PLEKHG5: variants seen among roughly 807,000 people sequenced by gnomAD.
PLEKHG5 encodes the protein pleckstrin homology domain-containing family G member 5.
In PLEKHG5, 52 loss-of-function variants were observed where a neutral mutation model predicts 103.8. That is an observed-to-expected ratio of 0.50 (90% CI 0.40 to 0.63). The LOEUF (loss-of-function observed/expected upper bound fraction) is 0.63. PLEKHG5 is among the 30% of genes least tolerant of loss of function. The pLI, the probability that PLEKHG5 is intolerant of heterozygous loss-of-function variation, is 0.00. For missense variants in PLEKHG5, 1,205 were observed against 1,347.6 expected, an observed-to-expected ratio of 0.89 and a Z score of 1.66; for synonymous variants, 592 against 575.5, an observed-to-expected ratio of 1.03 and a Z score of -0.41.
chr1:6,477,093 C>A (rs1644782861), intron 2 of PLEKHG5, among the ~76,000 whole-genome samples: 2 of 152,174 alleles, frequency 1.3e-5, no homozygotes, highest in African/African-American at 4.8e-5. Context: ...TGGGTCCCTG[C>A]TCAGCAAGAG....
At chr1:6,496,454 TC>T (rs757371108), upstream of PLEKHG5, 5 of 1,482,330 alleles carry the variant, frequency 3.4e-6, no homozygotes, top group East Asian at 1.2e-4. Context: ...CCCTGGCCCC[TC>T]TGCCCCCGAG....
chr1:6,504,726 C>T (rs1285452571), intron 1 of PLEKHG5, among the ~76,000 whole-genome samples: 1 of 152,104 alleles, frequency 6.6e-6, no homozygotes, highest in Non-Finnish European at 1.5e-5. Flanking sequence ...CCCGCCACCA[C>T]GCCCAGCTAA....
Position 6,505,248 on chromosome 1 carries a change from T to C in PLEKHG5, c.-164-8679A>G, listed in dbSNP as rs1638279122. On this transcript the variant is annotated intron_variant, in intron 1 of 21. Coordinates refer to the PLEKHG5 transcript ENST00000377740. The surrounding 1 kb of genome is among the most constrained non-coding windows in gnomAD (Gnocchi z 4.2). ...CTAGGTCCCCAGCCCACAGTGCCGG[T>C]CAGCCCACTGTGCCGACCAGCCTAC... is the stretch of plus-strand genomic sequence containing the variant. Among the ~76,000 whole-genome samples, 1 of 151,930 alleles carries C rather than the reference T, an allele frequency of 6.6e-6. No homozygotes were observed. Among genetic ancestry groups the C allele is most frequent in the African/African-American group, 2.4e-5 (1 of 41,348 alleles).
intron 1 of PLEKHG5, among the ~76,000 whole-genome samples, chr1:6,507,631 G>T (rs1415591724): frequency 6.6e-6 from 1 of 152,192 alleles, no homozygotes; most frequent in Admixed American, 6.5e-5. Context: ...GGGGCGGGGG[G>T]ATGGAGGGGT....
chr1:6,509,460 C>T (rs888989751), intron 1 of PLEKHG5, among the ~76,000 whole-genome samples: 3 of 152,360 alleles, frequency 2.0e-5, no homozygotes, highest in East Asian at 1.9e-4. Context: ...GGTCCACCCC[C>T]GCAAGGTCTC....
At chr1:6,483,869 C>A (rs761875706) in intron 1 of PLEKHG5, among the ~76,000 whole-genome samples, 1 of 152,230 alleles carries the variant, frequency 6.6e-6, no homozygotes, top group Non-Finnish European at 1.5e-5. Flanking sequence ...GGGAGCCCCC[C>A]GTCTGCGGGC....
At chr1:6,513,515 C>T (rs1210764788) in intron 1 of PLEKHG5, among the ~76,000 whole-genome samples, 1 of 152,228 alleles carries the variant, frequency 6.6e-6, no homozygotes, top group Non-Finnish European at 1.5e-5. Context: ...AAGGCTGTTC[C>T]TCGGGGCTGT....
At position 6,467,952 on chromosome 1, in the gene PLEKHG5, A is replaced by G; in HGVS notation, c.2884T>C (p.Ser962Pro). 6.4e-7 allele frequency: 1 copy of G among 1,571,840 alleles called. No homozygotes were observed. ...SHRKRCGDLP[S>P]GASPRVQPEP... ...GGCTGGACCCTGGGAGAGGCCCCCG[A>G]GGGCAGGTCTCCACACCTCTTCCTG... The change falls in exon 20 of 21, where the codon TCG (serine) becomes CCG (proline). Residue 962 changes from serine (S) to proline (P), a missense_variant. Physicochemically the swap from Ser to Pro is moderately conservative, Grantham distance 74. Transcript: ENST00000377728.
chr1:6,473,871 C>G (rs111510512), intron 7 of PLEKHG5, 142 bp downstream of exon 7: 34 of 848,482 alleles, frequency 4.0e-5, no homozygotes, highest in African/African-American at 3.2e-4. Context: ...ACTCTCCCAG[C>G]CAACCCCATT....
At chr1:6,485,430 G>A in intron 1 of PLEKHG5, 1 of 1,291,128 alleles carries the variant, frequency 7.7e-7, no homozygotes, top group Non-Finnish European at 9.8e-7. Flanking sequence ...GGAGACACCG[G>A]GTCCTGTCCC....
intron 1 of PLEKHG5, among the ~76,000 whole-genome samples, chr1:6,508,993 T>C (rs889618047): frequency 6.6e-6 from 1 of 152,072 alleles, no homozygotes; most frequent in African/African-American, 2.4e-5. Flanking sequence ...CTGTAGCGCC[T>C]CTCGAAGTCA....
chr1:6,474,855 C>A, intron 5 of PLEKHG5, 192 bp downstream of exon 5: 1 of 691,478 alleles, frequency 1.4e-6, no homozygotes, highest in Non-Finnish European at 2.6e-6. Flanking sequence ...TTAAAATGCA[C>A]AAGTACACAG....
rs1220408894 is a variant in PLEKHG5, at chr1:6,475,465, C to T, written c.207G>A (p.Thr69=). 2.9e-5 allele frequency: 47 copies of T among 1,613,200 alleles called. No homozygotes were observed. The highest frequency in any genetic ancestry group is 1.6e-4 in the Middle Eastern group (1 of 6,076). Residue 69 remains threonine, a synonymous_variant, in exon 4 of 21, where the codon ACG becomes ACA. Transcript: ENST00000377728. ...LSKKKARRRH[T]DDPSKECFTL... is the part of the protein sequence containing the mutation. The stretch of plus-strand genomic sequence containing the variant: ...CCGGCTCTGGGGGGCTCCTCACATC[C>T]GTGTGTCTCCTCCTTGCTTTCTTCT...
chr1:6,488,639 GAGCCCCC>G (rs1645084384), intron 1 of PLEKHG5, among the ~76,000 whole-genome samples: 2 of 152,262 alleles, frequency 1.3e-5, no homozygotes, highest in South Asian at 4.1e-4. Context: ...GAGCAGAAAG[GAGCCCCC>G]AGCCCCTGTA....
intron 2 of PLEKHG5, among the ~76,000 whole-genome samples, chr1:6,476,436 A>T (rs190297927): frequency 1.3e-5 from 2 of 152,134 alleles, no homozygotes; most frequent in East Asian, 3.9e-4. Flanking sequence ...GAAGTGATCC[A>T]CCCACCTCAG....
chr1:6,517,365 C>T (rs1638655137), intron 1 of PLEKHG5, among the ~76,000 whole-genome samples: 1 of 151,310 alleles, frequency 6.6e-6, no homozygotes, highest in Admixed American at 6.6e-5. Context: ...TGACCATTCT[C>T]TGCTGTTCAT....
chr1:6,497,155 C>T (rs1645238868), upstream of PLEKHG5: 2 of 978,556 alleles, frequency 2.0e-6, no homozygotes, highest in Admixed American at 2.1e-5. This position sits in a 1 kb window ranked among gnomAD's most constrained non-coding sequence, Gnocchi z 6.1. Flanking sequence ...CGGGGTGCTG[C>T]CGAGGCAGGC....
intron 1 of PLEKHG5, among the ~76,000 whole-genome samples, chr1:6,512,575 A>AC (rs1015700066): frequency 2.0e-5 from 3 of 152,236 alleles, no homozygotes; most frequent in African/African-American, 7.2e-5. Flanking sequence ...CCACCCAACC[A>AC]CCAGCTGCAG....
chr1:6,504,781 G>A (rs1638259821), intron 1 of PLEKHG5, among the ~76,000 whole-genome samples: 1 of 152,114 alleles, frequency 6.6e-6, no homozygotes, highest in South Asian at 2.1e-4. Context: ...GTGTTAGTCA[G>A]GCTGGTCTCG....
Sources: gnomAD v4.1 joint callset for allele counts (sites outside exome capture counted in the v4.1 genomes callset) on GRCh38, gnomAD v4.1.1 for gene constraint, Gnocchi (gnomAD v3.1) non-coding constraint, MANE v1.5 for transcripts, NCBI Gene and HGNC (gene_info 2026-07-23, HGNC 2026-07-21) for gene names.